The following DAB1 variants were observed in gnomAD, a reference collection of about 807,000 sequenced individuals.
DAB1 encodes the protein disabled homolog 1.
In DAB1, 15 loss-of-function variants were observed where a neutral mutation model predicts 64.6. That is an observed-to-expected ratio of 0.23 (90% CI 0.16 to 0.36). The LOEUF (loss-of-function observed/expected upper bound fraction) is 0.36. Ranked by LOEUF, DAB1 falls within the 10% of genes least tolerant of loss-of-function variation. DAB1 has a pLI of 1.00. For synonymous variants in DAB1, 235 were observed against 251.9 expected (o/e 0.93, Z 0.64); for missense variants, 596 against 706.7 (o/e 0.84, Z 1.78).
At chr1:57,097,810 C>T (rs963539764) in intron 4 of DAB1, among the ~76,000 whole-genome samples, 1 of 151,938 alleles carries the variant, frequency 6.6e-6, no homozygotes, top group Non-Finnish European at 1.5e-5. Context: ...CAGAGTCTCA[C>T]TCTGTGGCAC....
At chr1:57,073,655 T>C (rs1179016003) in intron 4 of DAB1, among the ~76,000 whole-genome samples, 1 of 152,142 alleles carries the variant, frequency 6.6e-6, no homozygotes, top group Non-Finnish European at 1.5e-5. Flanking sequence ...AGGCACCCAC[T>C]GTACCCCTGT....
intron 4 of DAB1, among the ~76,000 whole-genome samples, chr1:57,115,156 A>G (rs522532): frequency 0.8 from 122,367 of 152,028 alleles, 49,389 homozygotes; most frequent in East Asian, 0.98. Flanking sequence ...TGCAGGACTT[A>G]GATATCTCCA....
intron 4 of DAB1, among the ~76,000 whole-genome samples, chr1:58,283,797 T>G (rs1273758829): frequency 6.6e-6 from 1 of 152,228 alleles, no homozygotes; most frequent in Admixed American, 6.5e-5. Context: ...CAGCTCATTT[T>G]GGAGCTGCCC....
intron 3 of DAB1, among the ~76,000 whole-genome samples, chr1:58,368,373 G>A (rs1455943469): frequency 6.6e-6 from 1 of 152,112 alleles, no homozygotes; most frequent in East Asian, 1.9e-4. Flanking sequence ...GACATCTCAG[G>A]GTTAAAGTTT....
At chr1:57,849,179 C>A (rs1653415178) in intron 1 of DAB1, among the ~76,000 whole-genome samples, 1 of 152,100 alleles carries the variant, frequency 6.6e-6, no homozygotes, top group Non-Finnish European at 1.5e-5. Flanking sequence ...ACTATGTCCC[C>A]AGGAATGTTC....
chr1:57,315,918 A>G (rs911117989), intron 1 of DAB1, among the ~76,000 whole-genome samples: 1 of 152,226 alleles, frequency 6.6e-6, no homozygotes, highest in Non-Finnish European at 1.5e-5. Flanking sequence ...TAGCAGCTAT[A>G]GAGACCCTAT....
chr1:57,022,536 G>A (rs1023760839), intron 11 of DAB1, among the ~76,000 whole-genome samples: 46 of 152,300 alleles, frequency 3.0e-4, no homozygotes, highest in African/African-American at 1.1e-3. Flanking sequence ...TAGCTCATGA[G>A]TAATAACCGT....
At chr1:58,319,748 A>G (rs1662640026) in intron 4 of DAB1, among the ~76,000 whole-genome samples, 1 of 152,214 alleles carries the variant, frequency 6.6e-6, no homozygotes, top group Non-Finnish European at 1.5e-5. Context: ...TCTCTTTGTA[A>G]AAGTATAGTG....
chr1:57,125,447 T>C (rs935301340), intron 4 of DAB1, among the ~76,000 whole-genome samples: 2 of 152,148 alleles, frequency 1.3e-5, no homozygotes, highest in Non-Finnish European at 2.9e-5. Context: ...ACTTCTTCTA[T>C]AGCAGGTTAT....
At chr1:57,536,359 C>T (rs971654592) in intron 7 of DAB1, among the ~76,000 whole-genome samples, 2 of 152,174 alleles carry the variant, frequency 1.3e-5, no homozygotes, top group African/African-American at 2.4e-5. Context: ...TGGGATCATT[C>T]GAATCAGTGT....
intron 1 of DAB1, among the ~76,000 whole-genome samples, chr1:57,421,483 T>C (rs568139306): frequency 6.6e-6 from 1 of 152,304 alleles, no homozygotes; most frequent in East Asian, 1.9e-4. Flanking sequence ...TAGAATTGAA[T>C]TCCTACTTGA....
chr1:57,847,288 A>G (rs535900630), intron 1 of DAB1, among the ~76,000 whole-genome samples: 1 of 152,300 alleles, frequency 6.6e-6, no homozygotes, highest in East Asian at 1.9e-4. Flanking sequence ...GGAAAAAAAA[A>G]AACTACAAAG....
chr1:58,464,125 C>A (rs1409948424), intron 3 of DAB1, among the ~76,000 whole-genome samples: 4 of 152,190 alleles, frequency 2.6e-5, no homozygotes, highest in Non-Finnish European at 5.9e-5. Flanking sequence ...GTGCTCTGGC[C>A]ACCAATCCAC....
chr1:57,157,176 T>C (rs1248560687), intron 2 of DAB1, among the ~76,000 whole-genome samples: 1 of 152,200 alleles, frequency 6.6e-6, no homozygotes, highest in Non-Finnish European at 1.5e-5. Flanking sequence ...CCACTCATCA[T>C]AGATTATAAT....
At chr1:58,165,098 G>A (rs1432813239) in intron 4 of DAB1, among the ~76,000 whole-genome samples, 2 of 152,046 alleles carry the variant, frequency 1.3e-5, no homozygotes, top group South Asian at 4.2e-4. Flanking sequence ...AAAGGGGCCC[G>A]GACCCCCTAG....
intron 4 of DAB1, among the ~76,000 whole-genome samples, chr1:58,237,944 GC>G (rs1370035204): frequency 5.3e-5 from 8 of 152,138 alleles, no homozygotes; most frequent in Admixed American, 2.6e-4. Flanking sequence ...CACTTCACAT[GC>G]ATTATTTCAT....
intron 2 of DAB1, among the ~76,000 whole-genome samples, chr1:57,263,113 AG>A (rs1670311500): frequency 7.2e-6 from 1 of 139,062 alleles, no homozygotes. Flanking sequence ...TGGAATAAGA[AG>A]ATAAAATTTT....
intron 4 of DAB1, among the ~76,000 whole-genome samples, chr1:57,101,545 C>A (rs1333322858): frequency 1.3e-5 from 2 of 152,190 alleles, no homozygotes; most frequent in Non-Finnish European, 2.9e-5. Flanking sequence ...CAAGTTCCAA[C>A]AAAGGAGAGG....
chr1:57,259,302 C>A lies in DAB1; in HGVS notation c.67+31662G>T, dbSNP rs377348255. On this transcript the variant is annotated intron_variant, in intron 2 of 14. Coordinates refer to ENST00000371236, the MANE Select transcript of DAB1 (RefSeq NM_001365792.1). Reference sequence around the variant, plus strand: ...AGACTCACAGTTGAGACCAGGAAGACCAGTGAAGAAGTGACTGAGACACAG... The same window carrying A: ...AGACTCACAGTTGAGACCAGGAAGAACAGTGAAGAAGTGACTGAGACACAG... 6.2e-4 allele frequency among the ~76,000 whole-genome samples: 94 copies of A among 152,244 alleles called. 1 individual carries two copies. In the South Asian group the frequency reaches 0.017, roughly 27 times the overall value.
Sources: gnomAD v4.1 joint callset for allele counts (sites outside exome capture counted in the v4.1 genomes callset) on GRCh38, gnomAD v4.1.1 for gene constraint, MANE v1.5 for transcripts, NCBI Gene and HGNC (gene_info 2026-07-23, HGNC 2026-07-21) for gene names.